CFLAR: variants seen among roughly 807,000 people sequenced by gnomAD.
CFLAR encodes CASP8 and FADD like apoptosis regulator.
A neutral mutation model predicts 51.1 loss-of-function variants in CFLAR; 14 were observed. That is an observed-to-expected ratio of 0.27 (90% confidence interval 0.18 to 0.43). The LOEUF (loss-of-function observed/expected upper bound fraction) is 0.43. Among genes scored for constraint, CFLAR ranks in the 20% least tolerant of loss-of-function variants. The pLI is 1.00. For missense variants in CFLAR, 390 were observed against 566.5 expected (o/e 0.69, Z 3.16); for synonymous variants, 210 against 211.6 (o/e 0.99, Z 0.06).
Position 201,169,908 on chromosome 2 carries a change from C to T in CFLAR, c.*5935C>T, listed in dbSNP as rs906849493. The T allele has an allele frequency of 3.3e-5, 5 of 152,140 alleles. No homozygotes were observed. The highest frequency in any genetic ancestry group is 6.5e-5 in the Admixed American group (1 of 15,268). The allele number at this position is 152,140 out of a possible 1,614,324, so 9.4% of individuals were successfully genotyped here. ...GCAAAGGAGAACCACAATGAGATAC[C>T]ATCTCATGCCGGTCAGAATGGTGAT... On this transcript the variant is annotated 3_prime_UTR_variant, in exon 10 of 10. Coordinates refer to ENST00000309955, the MANE Select transcript of CFLAR (RefSeq NM_003879.7).
intron 7 of CFLAR, 159 bp downstream of exon 7, chr2:201,149,211 A>G: frequency 1.8e-6 from 1 of 556,152 alleles, no homozygotes; most frequent in South Asian, 2.2e-5. Context: ...CTGAATAACA[A>G]AGAGAAAGAT....
chr2:201,176,425 C>G lies in CFLAR; in HGVS notation c.*12452C>G, dbSNP rs1944173672. 1 of 152,112 alleles carries G rather than the reference C, an allele frequency of 6.6e-6. No individual in the cohort carries two copies. The highest frequency in any genetic ancestry group is 6.5e-5 in the Admixed American group (1 of 15,270). 9.4% of individuals were successfully genotyped at this position (152,112 alleles called of 1,614,324 possible). A position where few individuals can be genotyped will look rare whatever the true frequency, so the allele number is the denominator to read the frequency against. Reference sequence around the variant, plus strand: ...GTGTGTCGGGGGAGCCCTCTCCTGCCTTGCTCAGACCTGAATGTACCCATT... The same window carrying G: ...GTGTGTCGGGGGAGCCCTCTCCTGCGTTGCTCAGACCTGAATGTACCCATT... On this transcript the variant is annotated 3_prime_UTR_variant, in exon 10 of 10. Transcript: ENST00000309955.
intron 9 of CFLAR, chr2:201,162,919 G>A: frequency 1.5e-6 from 1 of 672,350 alleles, no homozygotes; most frequent in Non-Finnish European, 2.7e-6. Context: ...TTGTTGCACA[G>A]TGTTTGCTTT....
At chr2:201,140,201 T>G in intron 4 of CFLAR, 156 bp from the exon 5 acceptor site, 2 of 830,192 alleles carry the variant, frequency 2.4e-6, no homozygotes, top group Non-Finnish European at 3.7e-6. Context: ...TGATGTTTGG[T>G]CGAAGAGTCA....
At chr2:201,136,471 C>T (rs1029233364) in intron 4 of CFLAR, 1 of 1,595,048 alleles carries the variant, frequency 6.3e-7, no homozygotes, top group Non-Finnish European at 8.5e-7. Flanking sequence ...AACCACTGTC[C>T]AACTTCGGGT....
chr2:201,122,967 A>G (rs930993093), intron 1 of CFLAR, among the ~76,000 whole-genome samples: 2 of 152,200 alleles, frequency 1.3e-5, no homozygotes, highest in Non-Finnish European at 2.9e-5. Context: ...GAACAGAGCT[A>G]TCTCCTGCAG....
chr2:201,151,832 CG>C (rs1283553446), intron 8 of CFLAR, among the ~76,000 whole-genome samples: 1 of 151,520 alleles, frequency 6.6e-6, no homozygotes, highest in East Asian at 1.9e-4. Flanking sequence ...CTCTTGGGGG[CG>C]GGGGCTGAAT....
intron 5 of CFLAR, chr2:201,141,759 G>T (rs967078752): frequency 2.1e-6 from 1 of 474,014 alleles, no homozygotes; most frequent in Non-Finnish European, 2.8e-6. Context: ...ACAAGGTATC[G>T]GAATTGTTCT....
At chr2:201,158,278 C>T (rs112640799) in intron 8 of CFLAR, among the ~76,000 whole-genome samples, 2,280 of 152,298 alleles carry the variant, frequency 0.015, 69 homozygotes, top group African/African-American at 0.052. Context: ...ACAGGGGCTT[C>T]CCCAGCCAGA....
At chr2:201,131,699 TTTTG>T (rs1005394449) in intron 2 of CFLAR, among the ~76,000 whole-genome samples, 11 of 152,092 alleles carry the variant, frequency 7.2e-5, no homozygotes, top group African/African-American at 1.7e-4. Flanking sequence ...GTTTTTGTTT[TTTTG>T]TTTGTTTGTT....
rs1320850332 is a variant in CFLAR, at chr2:201,166,598, TG to T, written c.*2631del. ...GGCAGAAGCTGTAATCTCGGCACCC[TG>T]GGGGGCCAAGGCAGGCGGCTGGGAG... On this transcript the variant is annotated 3_prime_UTR_variant, in exon 10 of 10. Coordinates refer to ENST00000309955, the MANE Select transcript of CFLAR (RefSeq NM_003879.7). 2 of 180,330 alleles carry T rather than the reference TG, an allele frequency of 1.1e-5. No individual in the cohort carries two copies. The highest frequency in any genetic ancestry group is 2.3e-5 in the Non-Finnish European group (2 of 86,824). The allele number at this position is 180,330 out of a possible 1,614,324, so 11.2% of individuals were successfully genotyped here.
chr2:201,149,871 A>G lies in CFLAR; in HGVS notation c.793+36A>G, dbSNP rs759748972. ...AAGCTGCAGATTAACTGGTGCCCCC[A>G]GATTGAGATCATGGCACAGGCAAGC... On this transcript the variant is annotated intron_variant, in intron 8 of 9. Transcript: ENST00000309955. 3 of 1,494,674 alleles carry G rather than the reference A, an allele frequency of 2.0e-6. No individual in the cohort carries two copies. The South Asian group carries it at 3.4e-5, about 17-fold the overall frequency. The allele number at this position is 1,494,674 out of a possible 1,614,324, so 92.6% of individuals were successfully genotyped here.
At chr2:201,131,027 C>T (rs541462305) in intron 2 of CFLAR, among the ~76,000 whole-genome samples, 54 of 152,288 alleles carry the variant, frequency 3.5e-4, no homozygotes, top group Non-Finnish European at 5.6e-4. Flanking sequence ...ATTGGAGAGC[C>T]CACATTGAAA....
At chr2:201,121,631 A>G (rs2048193274) in intron 1 of CFLAR, among the ~76,000 whole-genome samples, 1 of 152,240 alleles carries the variant, frequency 6.6e-6, no homozygotes, top group South Asian at 2.1e-4. Context: ...AGAACTTTAT[A>G]TATCCCTAGT....
In CFLAR at chr2:201,166,731, G is replaced by A. The variant is rs1289459257; in HGVS notation, c.*2758G>A. ...CGCAATCCCGGCACCTCGGGAGGCCGAGGCTGGCAGATCACTCGCAGTCAG... is the reference window on the plus strand; with the variant it reads ...CGCAATCCCGGCACCTCGGGAGGCCAAGGCTGGCAGATCACTCGCAGTCAG... On this transcript the variant is annotated 3_prime_UTR_variant, in exon 10 of 10. Coordinates refer to ENST00000309955, the MANE Select transcript of CFLAR (RefSeq NM_003879.7). The A allele has an allele frequency of 3.6e-5, 6 of 167,806 alleles. No homozygotes were observed. The highest frequency in any genetic ancestry group is 1.8e-4 in the East Asian group (1 of 5,648). 10.4% of individuals were successfully genotyped at this position (167,806 alleles called of 1,614,324 possible).
intron 9 of CFLAR, 133 bp downstream of exon 9, chr2:201,161,075 C>T: frequency 1.5e-6 from 1 of 645,512 alleles, no homozygotes; most frequent in Non-Finnish European, 2.7e-6. Flanking sequence ...CTGCATTGGG[C>T]TTGCCCTAGG....
intron 2 of CFLAR, among the ~76,000 whole-genome samples, chr2:201,132,430 A>AAAAAAATAT (rs34318341): frequency 1.0e-4 from 14 of 137,964 alleles, no homozygotes; most frequent in African/African-American, 3.6e-4. Context: ...GGGGGGGAAA[A>AAAAAAATAT]ATATATATAT....
Position 201,138,778 on chromosome 2 carries a change from TGTG to T in CFLAR, c.524-1575_524-1573del, listed in dbSNP as rs879889895. On this transcript the variant is annotated intron_variant, in intron 4 of 9. Coordinates refer to ENST00000309955, the MANE Select transcript of CFLAR (RefSeq NM_003879.7). The surrounding 1 kb of genome is among the most constrained non-coding windows in gnomAD (Gnocchi z 4.0). The stretch of plus-strand genomic sequence containing the variant: ...CTGGCCTGGAACTCTGGGGTGCAGT[TGTG>T]GTGAATGAAACCAGTACCTCCCATC... 1.4e-5 allele frequency: 11 copies of T among 767,504 alleles called. No homozygotes were observed. The highest frequency in any genetic ancestry group is 2.6e-5 in the Non-Finnish European group (11 of 418,410). 47.5% of individuals were successfully genotyped at this position (767,504 alleles called of 1,614,324 possible). A position where few individuals can be genotyped will look rare whatever the true frequency, so the allele number is the denominator to read the frequency against.
chr2:201,154,823 A>G (rs1941887058), intron 8 of CFLAR, among the ~76,000 whole-genome samples: 1 of 152,300 alleles, frequency 6.6e-6, no homozygotes, highest in Non-Finnish European at 1.5e-5. Flanking sequence ...TTGAGGGCCT[A>G]CTATGTGCAA....
Sources: gnomAD v4.1 joint callset for allele counts (sites outside exome capture counted in the v4.1 genomes callset) on GRCh38, gnomAD v4.1.1 for gene constraint, Gnocchi (gnomAD v3.1) non-coding constraint, MANE v1.5 for transcripts, NCBI Gene and HGNC (gene_info 2026-07-23, HGNC 2026-07-21) for gene names.